The following MYH10 variants were observed in gnomAD, a reference collection of about 807,000 sequenced individuals.
MYH10 encodes the protein myosin heavy chain 10.
In MYH10, 55 loss-of-function variants were observed where a neutral mutation model predicts 257.8. The observed-to-expected ratio is 0.21, with a 90% confidence interval of 0.17 to 0.27. The LOEUF is 0.27. MYH10 is among the 10% of genes least tolerant of loss of function. The pLI, the probability that MYH10 is intolerant of heterozygous loss-of-function variation, is 1.00. For missense variants in MYH10, 1,631 were observed against 2,500.6 expected (o/e 0.65, Z 7.42); for synonymous variants, 854 against 921.7 (o/e 0.93, Z 1.33).
At chr17:8,558,535 G>A in intron 7 of MYH10, among the ~76,000 whole-genome samples, 1 of 152,120 alleles carries the variant, frequency 6.6e-6, no homozygotes, top group Non-Finnish European at 1.5e-5. Flanking sequence ...ACACTACAAA[G>A]AGTAGGAGTC....
chr17:8,577,060 C>T (rs2083525819), intron 5 of MYH10, among the ~76,000 whole-genome samples, 176 bp downstream of exon 5: 1 of 152,168 alleles, frequency 6.6e-6, no homozygotes, highest in Non-Finnish European at 1.5e-5. Flanking sequence ...CAGCAATTTC[C>T]TTGTATCCTA....
chr17:8,499,600 A>C, intron 29 of MYH10, 124 bp from the exon 30 acceptor site: 2 of 796,638 alleles, frequency 2.5e-6, no homozygotes, highest in Non-Finnish European at 4.1e-6. Context: ...CATCTGTTGA[A>C]TGAATGAATG....
chr17:8,499,210 A>G lies in MYH10; in HGVS notation c.3951+60T>C, dbSNP rs530369628. 65 of 1,536,392 alleles carry G rather than the reference A, an allele frequency of 4.2e-5. No homozygotes were observed. In the African/African-American group the frequency reaches 7.4e-4, roughly 17 times the overall value. On this transcript the variant is annotated intron_variant, in intron 30 of 42. Transcript: ENST00000360416. ...GGTCTCTTATTGCACAGAGGGATAC[A>G]ATGGTAAATTAGGGACATGCTACAG...
chr17:8,545,372 C>T lies in MYH10; in HGVS notation c.1431+76G>A, dbSNP rs2082411814. ...TCCCTGGTGCCTCGTATGTACTGGG[C>T]ACACAGTAAGCCTTCATATTTGTTA... On this transcript the variant is annotated intron_variant, in intron 13 of 42. Transcript: ENST00000360416. The surrounding 1 kb of genome is among the most constrained non-coding windows in gnomAD (Gnocchi z 4.7). 1.3e-6 allele frequency: 2 copies of T among 1,530,270 alleles called. No individual in the cohort carries two copies. The highest frequency in any genetic ancestry group is 1.8e-6 in the Non-Finnish European group (2 of 1,116,476). 94.8% of individuals were successfully genotyped at this position (1,530,270 alleles called of 1,614,324 possible). A position where few individuals can be genotyped will look rare whatever the true frequency, so the allele number is the denominator to read the frequency against.
intron 38 of MYH10, among the ~76,000 whole-genome samples, chr17:8,480,843 C>T (rs368070164): frequency 2.2e-5 from 3 of 135,374 alleles, no homozygotes; most frequent in Admixed American, 7.7e-5. Flanking sequence ...AACGCAAGCA[C>T]GACCCCAGCC....
chr17:8,597,776 G>A (rs1023714994), intron 3 of MYH10, among the ~76,000 whole-genome samples: 15 of 19,764 alleles, frequency 7.6e-4, no homozygotes, highest in East Asian at 8.8e-3. Flanking sequence ...CACCAGGCCC[G>A]GCTAATTTTT....
At chr17:8,577,112 G>C in intron 5 of MYH10, 124 bp downstream of exon 5, 3 of 637,476 alleles carry the variant, frequency 4.7e-6, no homozygotes, top group Non-Finnish European at 7.9e-6. Flanking sequence ...AGGTGGCGGG[G>C]AGCAGGTGGA....
Position 8,493,796 on chromosome 17 carries a change from C to T in MYH10, c.4146G>A (p.Gln1382=). The T allele has an allele frequency of 6.2e-7, 1 of 1,614,056 alleles. No individual in the cohort carries two copies. Among genetic ancestry groups the T allele is most frequent in the Non-Finnish European group, 8.5e-7 (1 of 1,179,982 alleles). Residue 1382 remains glutamine, a synonymous_variant, in exon 32 of 43, where the codon CAG becomes CAA. Coordinates refer to ENST00000360416, the MANE Select transcript of MYH10 (RefSeq NM_001256012.3). The part of the protein sequence containing the change: ...LEEEKNSLQE[Q]QEEEEEARKN... ...TCCTGGCCTCCTCCTCCTCCTCCTGCTGCTCCTGAAGACTGTTCTTCTCCT... is the reference window on the plus strand; with the variant it reads ...TCCTGGCCTCCTCCTCCTCCTCCTGTTGCTCCTGAAGACTGTTCTTCTCCT...
intron 12 of MYH10, 108 bp downstream of exon 12, chr17:8,546,436 T>C (rs1597794052): frequency 1.1e-6 from 1 of 877,248 alleles, no homozygotes; most frequent in Non-Finnish European, 1.8e-6. Context: ...AAAACACCCA[T>C]GTAAGACAGT....
At position 8,513,854 on chromosome 17, in the gene MYH10, C is replaced by G; in HGVS notation, c.2545G>C (p.Val849Leu). 1.2e-6 allele frequency: 2 copies of G among 1,614,198 alleles called. No homozygotes were observed. The highest frequency in any genetic ancestry group is 8.5e-7 in the Non-Finnish European group (1 of 1,180,040). ...KKQQQLSALK[V>L]LQRNCAAYLK... ...TACGCGGCACAGTTCCGCTGCAAGA[C>G]CTTTAAGGCACTTAGTTGCTGCTGC... Residue 849 changes from valine (V) to leucine (L), a missense_variant, in exon 22 of 43, where the codon GTC (valine) becomes CTC (leucine). Physicochemically the swap from Val to Leu is conservative, Grantham distance 32. Transcript: ENST00000360416.
intron 31 of MYH10, among the ~76,000 whole-genome samples, 191 bp from the exon 32 acceptor site, chr17:8,494,076 T>C (rs1415603945): frequency 1.3e-5 from 2 of 152,216 alleles, no homozygotes; most frequent in Admixed American, 1.3e-4. Flanking sequence ...CCAACACTGC[T>C]TCAGACTCAT....
chr17:8,520,906 G>A lies in MYH10; in HGVS notation c.2245C>T (p.Arg749Ter). The change falls in exon 19 of 43, where the codon CGA becomes TGA. Residue 749 changes from arginine to a stop codon, truncating the protein, a stop_gained. Transcript: ENST00000360416. LOFTEE classifies it high-confidence loss of function. ...IRICRQGFPN[R>*]IVFQEFRQRY... ...TGTCTGAATTCCTGGAAAACTATTC[G>A]GTTAGGGAAGCCCTGGCGACAGATT... is the stretch of plus-strand genomic sequence containing the variant. The A allele has an allele frequency of 6.2e-7, 1 of 1,613,230 alleles. No homozygotes were observed. The highest frequency in any genetic ancestry group is 8.5e-7 in the Non-Finnish European group (1 of 1,179,572).
intron 42 of MYH10, 82 bp from the exon 43 acceptor site, chr17:8,476,030 C>T (rs774620201): frequency 1.2e-4 from 175 of 1,468,240 alleles, no homozygotes; most frequent in Non-Finnish European, 1.4e-4. Context: ...CTCAATGCCA[C>T]GGAACCTTCC....
chr17:8,572,261 T>TGTGTGA (rs1312873535), intron 6 of MYH10, among the ~76,000 whole-genome samples: 36 of 147,336 alleles, frequency 2.4e-4, no homozygotes, highest in African/African-American at 9.0e-4. Context: ...TGTGTGTGAG[T>TGTGTGA]GAGAGAGAGA....
chr17:8,544,253 C>T (rs569406572), intron 13 of MYH10, among the ~76,000 whole-genome samples: 8 of 152,284 alleles, frequency 5.3e-5, no homozygotes, highest in Non-Finnish European at 8.8e-5. Flanking sequence ...ATTTTCCCAT[C>T]GAGAACAGGG....
intron 2 of MYH10, among the ~76,000 whole-genome samples, chr17:8,613,288 G>A (rs1160617641): frequency 6.6e-6 from 1 of 152,102 alleles, no homozygotes; most frequent in African/African-American, 2.4e-5. Context: ...CAGATAAAAG[G>A]GGCCCTTTCT....
chr17:8,477,176 C>T lies in MYH10; in HGVS notation c.5707-128G>A, dbSNP rs534742590. On this transcript the variant is annotated intron_variant, in intron 41 of 42. Coordinates refer to ENST00000360416, the MANE Select transcript of MYH10 (RefSeq NM_001256012.3). This position sits in a 1 kb window ranked among gnomAD's most constrained non-coding sequence, Gnocchi z 4.2. ...GTGAGCACGCGTGTACACGGATGTA[C>T]ACGCGTGCCTGGGGGCTGGTCGGAG... The T allele has an allele frequency of 3.0e-6, 3 of 1,001,458 alleles. No individual in the cohort carries two copies. The highest frequency in any genetic ancestry group is 3.4e-5 in the South Asian group (2 of 59,102). The allele number at this position is 1,001,458 out of a possible 1,614,324, so 62.0% of individuals were successfully genotyped here. A position where few individuals can be genotyped will look rare whatever the true frequency, so the allele number is the denominator to read the frequency against.
chr17:8,586,482 C>T (rs1335707113), intron 4 of MYH10, among the ~76,000 whole-genome samples: 1 of 151,962 alleles, frequency 6.6e-6, no homozygotes, highest in African/African-American at 2.4e-5. Flanking sequence ...CTGTTCACTG[C>T]AAAATTCTTT....
At chr17:8,518,104 CGTGTGTGTGTGTGTGTGTGTGTGTGT>C (rs58352961) in intron 21 of MYH10, among the ~76,000 whole-genome samples, 1 of 116,516 alleles carries the variant, frequency 8.6e-6, no homozygotes, top group Non-Finnish European at 1.7e-5. Context: ...CCCTTGGCCC[CGTGTGTGTGTGTGTGTGTGTGTGTGT>C]GTGTGTGTGT....
Sources: allele counts gnomAD v4.1 joint callset (sites outside exome capture counted in the v4.1 genomes callset), GRCh38; gene constraint gnomAD v4.1.1; non-coding constraint Gnocchi (gnomAD v3.1); transcripts MANE v1.5; gene names NCBI Gene and HGNC (gene_info 2026-07-23, HGNC 2026-07-21).